Variants in NOLC1 observed in about 807,000 individuals in gnomAD.
NOLC1 encodes nucleolar and coiled-body phosphoprotein 1.
In NOLC1, 37 loss-of-function variants were observed where a neutral mutation model predicts 73.4. The observed-to-expected ratio is 0.50, with a 90% confidence interval of 0.39 to 0.66. NOLC1 has a LOEUF of 0.66. Ranked by LOEUF, NOLC1 falls within the 30% of genes least tolerant of loss-of-function variation. The pLI, the probability that NOLC1 is intolerant of heterozygous loss-of-function variation, is 0.00. For synonymous variants in NOLC1, 327 were observed against 302.6 expected (o/e 1.08, Z -0.84); for missense variants, 921 against 838.9 (o/e 1.10, Z -1.21).
rs2069670580 is a variant in NOLC1, at chr10:102,159,913, C to T, written c.877C>T (p.Pro293Ser). Residue 293 changes from proline to serine, a missense_variant, in exon 8 of 13, where the codon CCC becomes TCC. By Grantham distance (74) the Pro-to-Ser change is moderately conservative (BLOSUM62 -1). Transcript: ENST00000605788. ...TTAAACAGGTCCCTACAGTTCAGTCCCCCCGCCTTCTGCTCCCCCACCAAA... is the reference window on the plus strand; with the variant it reads ...TTAAACAGGTCCCTACAGTTCAGTCTCCCCGCCTTCTGCTCCCCCACCAAA... The part of the protein sequence containing the change: ...KNKPGPYSSV[P>S]PPSAPPPKKS... The T allele has an allele frequency of 1.3e-6, 2 of 1,599,804 alleles. No homozygotes were observed. The highest frequency in any genetic ancestry group is 1.1e-5 in the South Asian group (1 of 88,776).
Position 102,161,921 on chromosome 10 carries a change from C to T in NOLC1, c.1937C>T (p.Ala646Val). 1.2e-6 allele frequency: 2 copies of T among 1,613,854 alleles called. No individual in the cohort carries two copies. The highest frequency in any genetic ancestry group is 1.7e-6 in the Non-Finnish European group (2 of 1,179,796). ...CGAGTTGCGGACAACTCCTTTGATG[C>T]CAAGGTGAGAGAGAGATCTGTGCCA... ...DSRVADNSFD[A>V]KRGAAGDWGE... Residue 646 changes from alanine to valine, a missense_variant, in exon 12 of 13, where the codon GCC (alanine) becomes GTC (valine). Transcript: ENST00000605788.
In NOLC1 at chr10:102,152,441, C is replaced by T. The variant is rs145813353; in HGVS notation, c.31C>T (p.Pro11Ser). The change falls in exon 1 of 13, where the codon CCC becomes TCC. Residue 11 changes from proline to serine, a missense_variant. By Grantham distance (74) the Pro-to-Ser change is moderately conservative. Coordinates refer to ENST00000605788, the MANE Select transcript of NOLC1 (RefSeq NM_004741.5). MADAGIRRVV[P>S]SDLYPLVLGF... The stretch of plus-strand genomic sequence containing the variant: ...GGACGCCGGCATTCGCCGCGTGGTT[C>T]CCAGCGACCTGTATCCCCTCGTGCT... The T allele has an allele frequency of 6.2e-6, 10 of 1,612,610 alleles. No individual in the cohort carries two copies. The highest frequency in any genetic ancestry group is 1.7e-6 in the Non-Finnish European group (2 of 1,180,038).
rs2069607290 is a variant in NOLC1, at chr10:102,157,014, T to C, written c.121-5T>C. ...TTTCCTTACCCAGCTCTTTTTCTTC[T>C]ACAGACACAGCAGGATGCCAATGCC... On this transcript the variant is annotated splice_polypyrimidine_tract_variant and splice_region_variant and intron_variant, in intron 1 of 12. Coordinates refer to ENST00000605788, the MANE Select transcript of NOLC1 (RefSeq NM_004741.5). 5 of 1,614,092 alleles carry C rather than the reference T, an allele frequency of 3.1e-6. No homozygotes were observed. Among genetic ancestry groups the C allele is most frequent in the Non-Finnish European group, 4.2e-6 (5 of 1,179,918 alleles).
Position 102,162,161 on chromosome 10 carries a change from C to T in NOLC1, c.1992C>T (p.Phe664=). Residue 664 remains phenylalanine (F), a synonymous_variant, in exon 13 of 13, where the codon TTC becomes TTT. Coordinates refer to ENST00000605788, the MANE Select transcript of NOLC1 (RefSeq NM_004741.5). ...WGERANQVLK[F]TKGKSFRHEK... is the part of the protein sequence containing the mutation. Reference sequence around the variant, plus strand: ...AGCGAGCCAATCAGGTTTTGAAGTTCACCAAAGGCAAGTCCTTTCGGCATG... The same window carrying T: ...AGCGAGCCAATCAGGTTTTGAAGTTTACCAAAGGCAAGTCCTTTCGGCATG... The T allele has an allele frequency of 6.2e-7, 1 of 1,614,110 alleles. No homozygotes were observed. Among genetic ancestry groups the T allele is most frequent in the South Asian group, 1.1e-5 (1 of 91,074 alleles).
Position 102,160,473 on chromosome 10 carries a change from A to T in NOLC1, c.1121A>T (p.Asp374Val), listed in dbSNP as rs2069682642. Residue 374 changes from aspartate (D) to valine (V), a missense_variant, in exon 10 of 13, where the codon GAT becomes GTT. Asp to Val is a radical substitution (Grantham distance 152). Transcript: ENST00000605788. ...DSSDSDSSED[D>V]EAPSKPAGTT... is the part of the protein sequence containing the mutation. ...CTAGACTCTGACAGCTCTGAGGATG[A>T]TGAAGCTCCTTCTAAGCCAGCTGGT... The T allele has an allele frequency of 6.2e-7, 1 of 1,613,784 alleles. No homozygotes were observed. Among genetic ancestry groups the T allele is most frequent in the Non-Finnish European group, 8.5e-7 (1 of 1,179,904 alleles).
chr10:102,158,267 C>A, intron 5 of NOLC1, 53 bp downstream of exon 5: 1 of 1,540,984 alleles, frequency 6.5e-7, no homozygotes, highest in South Asian at 1.2e-5. Context: ...GCTCTGGGGA[C>A]TGGAGTTAAA....
chr10:102,153,759 G>A (rs1482603011), intron 1 of NOLC1, among the ~76,000 whole-genome samples: 3 of 139,218 alleles, frequency 2.2e-5, no homozygotes, highest in Admixed American at 8.1e-5. Flanking sequence ...TGTAACCTCC[G>A]CCTCCCAAGT....
At chr10:102,152,993 G>A (rs1278661888) in intron 1 of NOLC1, among the ~76,000 whole-genome samples, 1 of 152,228 alleles carries the variant, frequency 6.6e-6, no homozygotes, top group African/African-American at 2.4e-5. Flanking sequence ...CGTTTGTAAA[G>A]AAGAAAATGA....
At chr10:102,155,472 C>A (rs566397795) in intron 1 of NOLC1, among the ~76,000 whole-genome samples, 3 of 150,614 alleles carry the variant, frequency 2.0e-5, no homozygotes, top group African/African-American at 7.3e-5. Context: ...ATCCTCCTGC[C>A]TTGGCCTGCC....
chr10:102,152,952 G>A (rs1239773642), intron 1 of NOLC1, among the ~76,000 whole-genome samples: 1 of 152,232 alleles, frequency 6.6e-6, no homozygotes, highest in East Asian at 1.9e-4. Context: ...AAAAGCAAGT[G>A]AAATTTCTTT....
intron 1 of NOLC1, among the ~76,000 whole-genome samples, chr10:102,155,973 C>T (rs1289787468): frequency 6.6e-6 from 1 of 151,818 alleles, no homozygotes; most frequent in East Asian, 1.9e-4. Flanking sequence ...TCTTCTGCCT[C>T]AGCCTCCCGA....
Position 102,161,075 on chromosome 10 carries a change from G to T in NOLC1, c.1723G>T (p.Val575Leu), listed in dbSNP as rs150811773. 2 of 1,608,344 alleles carry T rather than the reference G, an allele frequency of 1.2e-6. No homozygotes were observed. The highest frequency in any genetic ancestry group is 1.7e-6 in the Non-Finnish European group (2 of 1,179,044). ...EEEEEKKKAA[V>L]VVSKSGSLKK... Reference sequence around the variant, plus strand: ...GGAAGAAGAAAAGAAAAAGGCGGCAGTGGTAGTTTCCAAATCAGGTCTGTA... The same window carrying T: ...GGAAGAAGAAAAGAAAAAGGCGGCATTGGTAGTTTCCAAATCAGGTCTGTA... The change falls in exon 10 of 13, where the codon GTG (valine) becomes TTG (leucine). Residue 575 changes from valine to leucine, a missense_variant. By Grantham distance (32) the Val-to-Leu change is conservative (BLOSUM62 1). Coordinates refer to ENST00000605788, the MANE Select transcript of NOLC1 (RefSeq NM_004741.5).
At chr10:102,157,642 G>A in intron 4 of NOLC1, 87 bp downstream of exon 4, 1 of 1,450,452 alleles carries the variant, frequency 6.9e-7, no homozygotes, top group Non-Finnish European at 9.3e-7. Context: ...ACCAAGGGGT[G>A]ATGGCGGCAA....
chr10:102,158,839 A>C (rs1362507917), intron 5 of NOLC1, among the ~76,000 whole-genome samples: 1 of 152,056 alleles, frequency 6.6e-6, no homozygotes, highest in Non-Finnish European at 1.5e-5. Flanking sequence ...TCACACCTAT[A>C]ATCCCAGCAC....
At chr10:102,152,606 A>G in intron 1 of NOLC1, 76 bp downstream of exon 1, 1 of 1,589,898 alleles carries the variant, frequency 6.3e-7, no homozygotes, top group Non-Finnish European at 8.6e-7. Context: ...TTAGGTTTCC[A>G]GGTGGGGAAG....
In NOLC1 at chr10:102,157,170, G is replaced by A. The variant is rs752386131; in HGVS notation, c.177-19G>A. ...GAAGATTCCAGTCCCCTAGAAATTG[G>A]TCCAATCTACCTCAGCAGGTCTGCC... On this transcript the variant is annotated intron_variant, in intron 2 of 12. Coordinates refer to ENST00000605788, the MANE Select transcript of NOLC1 (RefSeq NM_004741.5). 3 of 1,613,924 alleles carry A rather than the reference G, an allele frequency of 1.9e-6. No individual in the cohort carries two copies.
At chr10:102,156,091 T>C (rs887939060) in intron 1 of NOLC1, among the ~76,000 whole-genome samples, 4 of 152,142 alleles carry the variant, frequency 2.6e-5, no homozygotes, top group Admixed American at 2.6e-4. Context: ...CTGCCCGCCT[T>C]GGCCTCCCAG....
In NOLC1 at chr10:102,160,564, A is replaced by G; in HGVS notation, c.1212A>G (p.Ala404=). 1 of 1,614,244 alleles carries G rather than the reference A, an allele frequency of 6.2e-7. No homozygotes were observed. The highest frequency in any genetic ancestry group is 8.5e-7 in the Non-Finnish European group (1 of 1,180,038). The change falls in exon 10 of 13, where the codon GCA becomes GCG. Residue 404 remains alanine, a synonymous_variant. Coordinates refer to ENST00000605788, the MANE Select transcript of NOLC1 (RefSeq NM_004741.5). ...AGTCACCTGCAGTGAAGCCAGCTGCAGCCCCCAAGCAACCTGTGGGCGGTG... is the reference window on the plus strand; with the variant it reads ...AGTCACCTGCAGTGAAGCCAGCTGCGGCCCCCAAGCAACCTGTGGGCGGTG... ...TTKSPAVKPA[A]APKQPVGGGQ...
chr10:102,153,544 G>A (rs1008375967), intron 1 of NOLC1, among the ~76,000 whole-genome samples: 4 of 152,334 alleles, frequency 2.6e-5, no homozygotes, highest in African/African-American at 9.6e-5. Context: ...ACTTCCTTAA[G>A]CTGGGACAGG....
Sources: gnomAD v4.1 joint callset for allele counts (sites outside exome capture counted in the v4.1 genomes callset) on GRCh38, gnomAD v4.1.1 for gene constraint, MANE v1.5 for transcripts, NCBI Gene and HGNC (gene_info 2026-07-23, HGNC 2026-07-21) for gene names.